The following RBFOX1 variants were observed in gnomAD, a reference collection of about 807,000 sequenced individuals.
RBFOX1 encodes the protein RNA binding fox-1 homolog 1.
A neutral mutation model predicts 57.7 loss-of-function variants in RBFOX1; 8 were observed. The ratio of observed to expected loss-of-function variants is 0.14; its 90% CI spans 0.08 to 0.25. The LOEUF (loss-of-function observed/expected upper bound fraction) is 0.25. Ranked by LOEUF, RBFOX1 falls within the 10% of genes least tolerant of loss-of-function variation. The probability of loss-of-function intolerance (pLI) is 1.00; values close to 1 mark genes in which losing one functional copy is unlikely to be tolerated. For synonymous variants in RBFOX1, 326 were observed against 222.4 expected, an observed-to-expected ratio of 1.47 and a Z score of -4.15; for missense variants, 611 against 548.5, an observed-to-expected ratio of 1.11 and a Z score of -1.14.
chr16:6,539,778 G>A (rs2096786111), intron 2 of RBFOX1, among the ~76,000 whole-genome samples: 1 of 101,878 alleles, frequency 9.8e-6, no homozygotes, highest in Non-Finnish European at 2.3e-5. Flanking sequence ...AGCCTAGGCG[G>A]CAGACTGAGG....
At chr16:6,043,079 T>G (rs994122237) in intron 1 of RBFOX1, among the ~76,000 whole-genome samples, 4 of 132,482 alleles carry the variant, frequency 3.0e-5, no homozygotes, top group African/African-American at 1.1e-4. Flanking sequence ...GATCACATCA[T>G]TATACTGCAG....
At chr16:5,590,046 TACACACACAC>T (rs148421648) in intron 2 of RBFOX1, among the ~76,000 whole-genome samples, 9 of 142,884 alleles carry the variant, frequency 6.3e-5, no homozygotes, top group African/African-American at 2.1e-4. Context: ...GTCTGCGTGT[TACACACACAC>T]ACACACACAC....
intron 2 of RBFOX1, among the ~76,000 whole-genome samples, chr16:6,355,259 T>A (rs1600019119): frequency 6.6e-6 from 1 of 152,116 alleles, no homozygotes; most frequent in African/African-American, 2.4e-5. Flanking sequence ...ACATTAGATA[T>A]TTCTCCTAAT....
chr16:5,537,048 TG>T (rs1441296400), intron 2 of RBFOX1, among the ~76,000 whole-genome samples: 1 of 152,240 alleles, frequency 6.6e-6, no homozygotes, highest in East Asian at 1.9e-4. Context: ...CACTTCCTTT[TG>T]AGTACTCACT....
chr16:5,887,412 T>G (rs565137797), intron 4 of RBFOX1, among the ~76,000 whole-genome samples: 1 of 152,288 alleles, frequency 6.6e-6, no homozygotes, highest in Non-Finnish European at 1.5e-5. Flanking sequence ...TTTGTTTGTT[T>G]GTTTTGTGAG....
At chr16:6,119,633 A>G (rs907594061) in intron 1 of RBFOX1, among the ~76,000 whole-genome samples, 1 of 152,082 alleles carries the variant, frequency 6.6e-6, no homozygotes. Flanking sequence ...TTGACTCAAC[A>G]TTTATTTTGA....
chr16:7,161,226 T>C (rs914153447), intron 4 of RBFOX1, among the ~76,000 whole-genome samples: 1 of 152,178 alleles, frequency 6.6e-6, no homozygotes, highest in African/African-American at 2.4e-5. Flanking sequence ...ATAGGCAGGT[T>C]CGTGGAGAAA....
intron 2 of RBFOX1, among the ~76,000 whole-genome samples, chr16:5,544,276 A>G (rs1174395301): frequency 6.6e-6 from 1 of 152,192 alleles, no homozygotes. Flanking sequence ...AACAGAAGGA[A>G]CTCTGGGAAA....
chr16:6,743,347 C>A (rs144096035), intron 3 of RBFOX1, among the ~76,000 whole-genome samples: 1 of 152,060 alleles, frequency 6.6e-6, no homozygotes, highest in Admixed American at 6.5e-5. Context: ...TATTAATGTT[C>A]TAAATATACT....
rs149334604 is a variant in RBFOX1 at position 6,942,613 on chromosome 16, T to C, written c.-15-109444T>C. 1.8e-3 allele frequency among the ~76,000 whole-genome samples: 269 copies of C among 152,262 alleles called. 1 individual carries two copies. Among genetic ancestry groups the C allele is most frequent in the Admixed American group, 2.9e-3 (44 of 15,296 alleles). On this transcript the variant is annotated intron_variant, in intron 3 of 15. Transcript: ENST00000550418. ...GGGTGATCAAGACAGAGTGGACTTT[T>C]CAGTGCAGGAGACGGTGCTAGGCAG... is the stretch of plus-strand genomic sequence containing the variant.
At chr16:5,820,103 C>T (rs1376014217) in intron 3 of RBFOX1, among the ~76,000 whole-genome samples, 1 of 152,214 alleles carries the variant, frequency 6.6e-6, no homozygotes, top group Non-Finnish European at 1.5e-5. Flanking sequence ...TGCACTTTTG[C>T]ATTAAATATT....
intron 4 of RBFOX1, among the ~76,000 whole-genome samples, chr16:7,303,521 G>C (rs1330941476): frequency 6.6e-6 from 1 of 152,294 alleles, no homozygotes; most frequent in East Asian, 1.9e-4. Flanking sequence ...ACCGGCAGAG[G>C]GTTTTAGCAG....
intron 4 of RBFOX1, among the ~76,000 whole-genome samples, chr16:7,062,647 A>G (rs1277128937): frequency 2.0e-5 from 3 of 152,190 alleles, no homozygotes; most frequent in Non-Finnish European, 4.4e-5. Context: ...CCAAGGCAGG[A>G]CAGTTGAATT....
intron 3 of RBFOX1, among the ~76,000 whole-genome samples, chr16:6,895,444 G>GTATATATATATATATATATA (rs1341028814): frequency 1.4e-4 from 10 of 73,472 alleles, no homozygotes; most frequent in African/African-American, 4.9e-4. Context: ...GTGTGTGTGT[G>GTATATATATATATATATATA]TGTGTATATA....
chr16:6,543,886 G>C (rs1427722600), intron 2 of RBFOX1, among the ~76,000 whole-genome samples: 1 of 152,064 alleles, frequency 6.6e-6, no homozygotes, highest in Non-Finnish European at 1.5e-5. Flanking sequence ...AACCCAGGAA[G>C]GATAACACGA....
At chr16:6,282,778 A>G (rs1258488488) in intron 1 of RBFOX1, among the ~76,000 whole-genome samples, 3 of 152,144 alleles carry the variant, frequency 2.0e-5, no homozygotes, top group African/African-American at 7.2e-5. Context: ...TTAGCTTCCT[A>G]TCAGCCTGTA....
chr16:6,412,971 T>G (rs946959117), intron 2 of RBFOX1, among the ~76,000 whole-genome samples: 6 of 152,196 alleles, frequency 3.9e-5, no homozygotes, highest in Admixed American at 3.9e-4. Flanking sequence ...TACTCTTGCC[T>G]CAGATACTTT....
chr16:7,308,351 T>G (rs1256602538), intron 4 of RBFOX1, among the ~76,000 whole-genome samples: 3 of 149,892 alleles, frequency 2.0e-5, no homozygotes, highest in African/African-American at 7.3e-5. Context: ...AGTAGCATAT[T>G]AACTTAATTT....
intron 2 of RBFOX1, among the ~76,000 whole-genome samples, chr16:6,531,783 G>A (rs2096661501): frequency 6.6e-6 from 1 of 152,136 alleles, no homozygotes; most frequent in African/African-American, 2.4e-5. Context: ...CTTCGTGTAT[G>A]AGTATCAACC....
Sources: allele counts gnomAD v4.1 joint callset (sites outside exome capture counted in the v4.1 genomes callset), GRCh38; gene constraint gnomAD v4.1.1; transcripts MANE v1.5; gene names NCBI Gene and HGNC (gene_info 2026-07-23, HGNC 2026-07-21).